The following SLC25A20 variants were observed in gnomAD, a reference collection of about 807,000 sequenced individuals.
SLC25A20 encodes solute carrier family 25 member 20, also known as mitochondrial carnitine/acylcarnitine carrier protein.
Under a neutral mutation model 39.7 loss-of-function variants are expected in SLC25A20, and 29 were observed. That is an observed-to-expected ratio of 0.73 (90% confidence interval 0.54 to 1.00). SLC25A20 has a LOEUF of 1.00. Among genes scored for constraint, SLC25A20 ranks in the 50% least tolerant of loss-of-function variants. SLC25A20 has a pLI of 0.00. For synonymous variants in SLC25A20, 103 were observed against 142.2 expected (o/e 0.72, Z 1.96); for missense variants, 333 against 379.9 (o/e 0.88, Z 1.03).
intron 4 of SLC25A20, among the ~76,000 whole-genome samples, chr3:48,869,066 G>T (rs1379983152): frequency 6.6e-6 from 1 of 152,112 alleles, no homozygotes; most frequent in Non-Finnish European, 1.5e-5. Context: ...GTCAACAGAG[G>T]CCAAATAGGA....
chr3:48,871,982 ATTTTTTTTT>A (rs71077746), intron 4 of SLC25A20, among the ~76,000 whole-genome samples: 6 of 56,668 alleles, frequency 1.1e-4, no homozygotes, highest in East Asian at 7.3e-4. Flanking sequence ...TGCCCAGCTA[ATTTTTTTTT>A]TTTTTTTTTT....
At chr3:48,873,258 G>C (rs961758344) in intron 4 of SLC25A20, among the ~76,000 whole-genome samples, 1 of 151,688 alleles carries the variant, frequency 6.6e-6, no homozygotes, top group African/African-American at 2.4e-5. Flanking sequence ...GGTGGCTCAC[G>C]CCTGTAGTCC....
At chr3:48,888,160 T>A (rs2083844836) in intron 2 of SLC25A20, among the ~76,000 whole-genome samples, 1 of 126,496 alleles carries the variant, frequency 7.9e-6, no homozygotes, top group African/African-American at 3.1e-5. Context: ...TGAGCCAAGA[T>A]CGGACCACTG....
chr3:48,869,606 C>T (rs1318873959), intron 4 of SLC25A20, among the ~76,000 whole-genome samples: 1 of 152,148 alleles, frequency 6.6e-6, no homozygotes, highest in Non-Finnish European at 1.5e-5. Context: ...GGGAGGATCA[C>T]TTGATCCCAG....
At chr3:48,862,290 T>C (rs941432455) in intron 5 of SLC25A20, among the ~76,000 whole-genome samples, 1 of 152,196 alleles carries the variant, frequency 6.6e-6, no homozygotes, top group African/African-American at 2.4e-5. Flanking sequence ...AGATGATTTC[T>C]ATCTACTTGC....
intron 2 of SLC25A20, among the ~76,000 whole-genome samples, chr3:48,888,309 T>C (rs1272228878): frequency 6.6e-6 from 1 of 151,192 alleles, no homozygotes; most frequent in East Asian, 1.9e-4. Flanking sequence ...CAGTGGCTCA[T>C]GCCTGTAATC....
Position 48,867,845 on chromosome 3 carries a change from G to A in SLC25A20, c.418-5186C>T, listed in dbSNP as rs184258881. ...GGAGACCGAGGCAGGCGGACCACCT[G>A]AGGTCAGGAGTTCGAGACCAGCCTG... On this transcript the variant is annotated intron_variant, in intron 4 of 8. Transcript: ENST00000319017. Among the ~76,000 whole-genome samples the A allele has an allele frequency of 4.7e-3, 712 of 151,638 alleles. 2 individuals are homozygous for A. Among genetic ancestry groups the A allele is most frequent in the Non-Finnish European group, 6.7e-3 (453 of 67,922 alleles).
Position 48,859,634 on chromosome 3 carries a change from G to A in SLC25A20, c.536-7C>T, listed in dbSNP as rs2106637719. ...ATTCCACTAGCTGGGACATCTGTTA[G>A]TGGCAAGAAAAAGGTGAATTAAAGT... On this transcript the variant is annotated splice_region_variant and splice_polypyrimidine_tract_variant and intron_variant, in intron 5 of 8. Transcript: ENST00000319017. 2 of 1,609,704 alleles carry A rather than the reference G, an allele frequency of 1.2e-6. No individual in the cohort carries two copies. The highest frequency in any genetic ancestry group is 4.5e-5 in the East Asian group (2 of 44,866).
In SLC25A20 at chr3:48,857,563, G is replaced by C; in HGVS notation, c.*147C>G. On this transcript the variant is annotated 3_prime_UTR_variant, in exon 9 of 9. Coordinates refer to ENST00000319017, the MANE Select transcript of SLC25A20 (RefSeq NM_000387.6). ...ATACACGGTGCAGGATGTCATTAAG[G>C]CAACAGTCTCACCAAGTCCATGCAC... 1 of 717,630 alleles carries C rather than the reference G, an allele frequency of 1.4e-6. No individual in the cohort carries two copies. The highest frequency in any genetic ancestry group is 2.5e-6 in the Non-Finnish European group (1 of 394,548). The allele number at this position is 717,630 out of a possible 1,614,324, so 44.5% of individuals were successfully genotyped here. A position where few individuals can be genotyped will look rare whatever the true frequency, so the allele number is the denominator to read the frequency against.
chr3:48,898,762 G>C lies in SLC25A20; in HGVS notation c.33C>G (p.Leu11=), dbSNP rs1262204992. The C allele has an allele frequency of 6.2e-7, 1 of 1,602,734 alleles. No individual in the cohort carries two copies. The highest frequency in any genetic ancestry group is 1.7e-5 in the Admixed American group (1 of 58,356). ...CAAAGCCGCCGGCCAGCAGGTTCTT[G>C]AGCGGGCTGATGGGTTTTGGCTGGT... The part of the protein sequence containing the change: MADQPKPISP[L]KNLLAGGFGG... Residue 11 remains leucine (L), a synonymous_variant, in exon 1 of 9, where the codon CTC becomes CTG. Transcript: ENST00000319017.
At chr3:48,881,208 C>T (rs1423499932) in intron 3 of SLC25A20, among the ~76,000 whole-genome samples, 1 of 152,186 alleles carries the variant, frequency 6.6e-6, no homozygotes, top group African/African-American at 2.4e-5. Flanking sequence ...AGGCACACAG[C>T]CAAGCTGACT....
intron 2 of SLC25A20, among the ~76,000 whole-genome samples, chr3:48,887,930 C>T (rs940245680): frequency 6.6e-6 from 1 of 151,696 alleles, no homozygotes; most frequent in Non-Finnish European, 1.5e-5. Context: ...AAGGGCAGGC[C>T]AGGCGTGGTG....
At chr3:48,877,070 TAGGCAACAG>T (rs2083763793) in intron 4 of SLC25A20, among the ~76,000 whole-genome samples, 1 of 151,844 alleles carries the variant, frequency 6.6e-6, no homozygotes. Context: ...CACTCCAGTC[TAGGCAACAG>T]AGTGAGACCC....
chr3:48,890,544 C>G (rs1262726248), intron 2 of SLC25A20, among the ~76,000 whole-genome samples: 1 of 151,818 alleles, frequency 6.6e-6, no homozygotes. Context: ...CCTTCCCTCT[C>G]TGCTTCGGCT....
At chr3:48,893,009 CTTA>C in intron 1 of SLC25A20, among the ~76,000 whole-genome samples, 1 of 151,846 alleles carries the variant, frequency 6.6e-6, no homozygotes, top group Non-Finnish European at 1.5e-5. Context: ...ATCTTCAATA[CTTA>C]TTATCTTTAT....
chr3:48,879,471 A>G, intron 3 of SLC25A20, 23 bp from the exon 4 acceptor site: 9 of 1,568,126 alleles, frequency 5.7e-6, no homozygotes, highest in Non-Finnish European at 7.0e-6. Context: ...CAAAAAGCAG[A>G]AGCAAGCACC....
intron 4 of SLC25A20, 56 bp from the exon 5 acceptor site, chr3:48,862,715 G>T: frequency 8.6e-7 from 1 of 1,162,166 alleles, no homozygotes; most frequent in African/African-American, 1.5e-5. Context: ...AGACCCAGCA[G>T]GTTACAGGAG....
intron 4 of SLC25A20, among the ~76,000 whole-genome samples, chr3:48,871,993 T>TG (rs1479615533): frequency 1.0e-4 from 14 of 139,828 alleles, no homozygotes; most frequent in African/African-American, 3.7e-4. Context: ...TTTTTTTTTT[T>TG]TTTTTTTTTT....
chr3:48,862,386 C>CA (rs2083634745), intron 5 of SLC25A20, among the ~76,000 whole-genome samples, 156 bp downstream of exon 5: 2 of 152,222 alleles, frequency 1.3e-5, no homozygotes. Flanking sequence ...AATCTACGTC[C>CA]ATGCTGGCCA....
Sources: gnomAD v4.1 joint callset for allele counts (sites outside exome capture counted in the v4.1 genomes callset) on GRCh38, gnomAD v4.1.1 for gene constraint, MANE v1.5 for transcripts, NCBI Gene and HGNC (gene_info 2026-07-23, HGNC 2026-07-21) for gene names.